The following ULK4 variants were observed in gnomAD, a reference collection of about 807,000 sequenced individuals.
The protein encoded by ULK4 is inactive serine/threonine-protein kinase ULK4.
ULK4 carries 133 observed loss-of-function variants against 160.6 expected under a neutral mutation model. That is an observed-to-expected ratio of 0.83 (90% CI 0.72 to 0.96). The LOEUF is 0.96. Ranked by LOEUF, ULK4 falls within the 40% of genes least tolerant of loss-of-function variation. The pLI, the probability that ULK4 is intolerant of heterozygous loss-of-function variation, is 0.00. For missense variants in ULK4, 1,580 were observed against 1,499.5 expected, an observed-to-expected ratio of 1.05 and a Z score of -0.89; for synonymous variants, 534 against 539.8, an observed-to-expected ratio of 0.99 and a Z score of 0.15.
chr3:41,372,981 G>A lies in ULK4; in HGVS notation c.3678+25098C>T, dbSNP rs141633105. On this transcript the variant is annotated intron_variant, in intron 35 of 36. Transcript: ENST00000301831. ...AAATAGAGAGCAAACAAAAGCAGGGGTTGCAATCCTAGTCTCTGATAAAAC... is the reference window on the plus strand; with the variant it reads ...AAATAGAGAGCAAACAAAAGCAGGGATTGCAATCCTAGTCTCTGATAAAAC... Among the ~76,000 whole-genome samples the A allele has an allele frequency of 4.8e-3, 737 of 152,204 alleles. 4 individuals are homozygous for A. Among genetic ancestry groups the A allele is most frequent in the African/African-American group, 0.017 (692 of 41,534 alleles).
chr3:41,397,118 G>A (rs2082078651), intron 35 of ULK4, among the ~76,000 whole-genome samples: 1 of 152,124 alleles, frequency 6.6e-6, no homozygotes, highest in South Asian at 2.1e-4. Context: ...CAAACCAGAA[G>A]ATGATAGGTG....
chr3:41,460,938 T>C (rs2083669784), intron 33 of ULK4, among the ~76,000 whole-genome samples: 1 of 152,074 alleles, frequency 6.6e-6, no homozygotes, highest in Non-Finnish European at 1.5e-5. Context: ...GGTATACTGG[T>C]GTGTCTGGGA....
chr3:41,931,506 A>G (rs1699601467), intron 5 of ULK4, among the ~76,000 whole-genome samples: 1 of 150,974 alleles, frequency 6.6e-6, no homozygotes, highest in South Asian at 2.1e-4. Flanking sequence ...ATATGTTTCA[A>G]CTGCAGAATA....
Position 41,911,557 on chromosome 3 carries a change from A to AC in ULK4, c.998dup (p.His334SerfsTer10). Reference sequence around the variant, plus strand: ...AAAACTTACCTAGTCTGAAAGAGTGACCTAGTGGTTGACCACTCTTGTGCC... The same window carrying AC: ...AAAACTTACCTAGTCTGAAAGAGTGACCCTAGTGGTTGACCACTCTTGTGCC... On this transcript the variant is annotated frameshift_variant, in exon 10 of 37. Coordinates refer to ENST00000301831, the MANE Select transcript of ULK4 (RefSeq NM_017886.4). LOFTEE classifies it high-confidence loss of function. 2 of 1,613,526 alleles carry AC rather than the reference A, an allele frequency of 1.2e-6. No homozygotes were observed. Among genetic ancestry groups the AC allele is most frequent in the South Asian group, 2.2e-5 (2 of 91,064 alleles).
At chr3:41,629,276 G>C (rs1305036149) in intron 30 of ULK4, among the ~76,000 whole-genome samples, 1 of 152,142 alleles carries the variant, frequency 6.6e-6, no homozygotes, top group Non-Finnish European at 1.5e-5. Flanking sequence ...GTGATCACCT[G>C]AAGGTTTCCT....
chr3:41,308,054 T>C (rs918416890), intron 35 of ULK4, among the ~76,000 whole-genome samples: 1 of 152,032 alleles, frequency 6.6e-6, no homozygotes, highest in Non-Finnish European at 1.5e-5. Flanking sequence ...AGAGTAGAGA[T>C]TATCCCTGCA....
At chr3:41,851,511 T>C (rs1011977980) in intron 17 of ULK4, among the ~76,000 whole-genome samples, 1 of 152,206 alleles carries the variant, frequency 6.6e-6, no homozygotes, top group African/African-American at 2.4e-5. Flanking sequence ...GCATCGATGT[T>C]CATCAGGGAT....
chr3:41,447,545 G>A (rs1024779089), intron 34 of ULK4, among the ~76,000 whole-genome samples: 6 of 151,996 alleles, frequency 3.9e-5, no homozygotes, highest in Admixed American at 6.6e-5. Flanking sequence ...CAGTTCCGGG[G>A]CCTTTCTTCC....
chr3:41,939,998 C>A (rs1717020), intron 2 of ULK4, among the ~76,000 whole-genome samples: 105,023 of 151,652 alleles, frequency 0.69, 39,522 homozygotes, highest in East Asian at 0.83. Flanking sequence ...GGTGTCAAAA[C>A]AAGTTGGGTA....
At chr3:41,746,908 C>T (rs1454002220) in intron 22 of ULK4, among the ~76,000 whole-genome samples, 1 of 151,904 alleles carries the variant, frequency 6.6e-6, no homozygotes, top group Admixed American at 6.6e-5. Flanking sequence ...GAAAGATAGA[C>T]TTTTCAACAA....
intron 17 of ULK4, among the ~76,000 whole-genome samples, chr3:41,842,488 T>C (rs960204924): frequency 3.9e-5 from 6 of 152,306 alleles, no homozygotes; most frequent in Middle Eastern, 3.4e-3. Context: ...ATTTGTATGA[T>C]GGGGCAGATC....
intron 32 of ULK4, among the ~76,000 whole-genome samples, chr3:41,506,154 A>C (rs2085365883): frequency 6.6e-6 from 1 of 152,184 alleles, no homozygotes; most frequent in African/African-American, 2.4e-5. Flanking sequence ...AGGTACATTA[A>C]CACTTTTTAT....
intron 18 of ULK4, among the ~76,000 whole-genome samples, chr3:41,827,024 T>C (rs947236948): frequency 6.6e-6 from 1 of 150,880 alleles, no homozygotes; most frequent in African/African-American, 2.5e-5. Context: ...ACCGCTCCAC[T>C]ACATGGAAAC....
At chr3:41,500,958 T>C (rs933873985) in intron 32 of ULK4, among the ~76,000 whole-genome samples, 6 of 152,206 alleles carry the variant, frequency 3.9e-5, no homozygotes, top group Admixed American at 3.9e-4. Context: ...GGAAGGTTTA[T>C]ACATTGTTTT....
intron 35 of ULK4, among the ~76,000 whole-genome samples, chr3:41,386,857 G>A (rs142171938): frequency 2.4e-4 from 37 of 152,246 alleles, no homozygotes; most frequent in Middle Eastern, 3.4e-3. Context: ...GTCACATCCT[G>A]TGACATGTGA....
intron 16 of ULK4, among the ~76,000 whole-genome samples, chr3:41,886,196 A>T (rs1341531250): frequency 6.6e-6 from 1 of 152,178 alleles, no homozygotes; most frequent in Non-Finnish European, 1.5e-5. Context: ...GCTACTATTA[A>T]TTTTTAATTT....
At chr3:41,761,434 A>C (rs1246126561) in intron 21 of ULK4, among the ~76,000 whole-genome samples, 1 of 150,016 alleles carries the variant, frequency 6.7e-6, no homozygotes, top group Non-Finnish European at 1.5e-5. Context: ...ATTCACAACA[A>C]TGTATAACAG....
intron 16 of ULK4, among the ~76,000 whole-genome samples, chr3:41,887,911 C>T (rs1188005314): frequency 6.6e-6 from 1 of 151,738 alleles, no homozygotes; most frequent in African/African-American, 2.4e-5. Context: ...ATCTGTAATC[C>T]CCAGCACTTT....
chr3:41,338,573 A>T (rs2080613889), intron 35 of ULK4, among the ~76,000 whole-genome samples: 1 of 152,132 alleles, frequency 6.6e-6, no homozygotes, highest in South Asian at 2.1e-4. Flanking sequence ...GCCATTATTT[A>T]AAAAATCCCA....
Sources: allele counts gnomAD v4.1 joint callset (sites outside exome capture counted in the v4.1 genomes callset), GRCh38; gene constraint gnomAD v4.1.1; transcripts MANE v1.5; gene names NCBI Gene and HGNC (gene_info 2026-07-23, HGNC 2026-07-21).